Variants in TLR1 observed in about 807,000 individuals in gnomAD.
The protein encoded by TLR1 is toll-like receptor 1.
TLR1 carries 19 observed loss-of-function variants against 20.2 expected under a neutral mutation model. That is an observed-to-expected ratio of 0.94 (90% CI 0.66 to 1.38). The LOEUF is 1.38. Ranked by LOEUF, TLR1 falls within the 40% of genes most tolerant of loss-of-function variation. TLR1 has a pLI of 0.00. For missense variants in TLR1, 921 were observed against 910.0 expected (o/e 1.01, Z -0.16); for synonymous variants, 320 against 334.5 (o/e 0.96, Z 0.47).
chr4:38,793,140 C>T (rs976376415), downstream of TLR1, among the ~76,000 whole-genome samples: 1 of 152,004 alleles, frequency 6.6e-6, no homozygotes, highest in African/African-American at 2.4e-5. Flanking sequence ...TTATGAGTTT[C>T]ATTTACCCTC....
downstream of TLR1, among the ~76,000 whole-genome samples, chr4:38,795,036 C>G (rs77884918): frequency 0.033 from 4,960 of 152,266 alleles, 303 homozygotes; most frequent in African/African-American, 0.11. Context: ...CAATGCAAAA[C>G]CAAGTTACTG....
intron 3 of TLR1, 29 bp downstream of exon 3, chr4:38,800,828 C>T (rs1175443876): frequency 1.3e-5 from 2 of 152,658 alleles, no homozygotes; most frequent in Non-Finnish European, 2.9e-5. Context: ...GCAAACTTAT[C>T]TGGGTTTTGG....
At chr4:38,803,130 C>T (rs538571541) in intron 2 of TLR1, among the ~76,000 whole-genome samples, 3 of 152,320 alleles carry the variant, frequency 2.0e-5, no homozygotes, top group South Asian at 2.1e-4. Flanking sequence ...CAGGACAAGG[C>T]GGACAGTCTG....
chr4:38,792,023 C>T (rs1167727022), downstream of TLR1, among the ~76,000 whole-genome samples: 1 of 152,158 alleles, frequency 6.6e-6, no homozygotes, highest in East Asian at 1.9e-4. Context: ...GTCAGTTACA[C>T]ACATTGTACC....
intron 1 of TLR1, 104 bp from the exon 2 acceptor site, chr4:38,804,486 A>G (rs984919630): frequency 6.6e-6 from 1 of 152,188 alleles, no homozygotes; most frequent in African/African-American, 2.4e-5. Context: ...GTGTGACCCA[A>G]ATATTCATTT....
chr4:38,795,912 A>G (rs1302408205), downstream of TLR1, among the ~76,000 whole-genome samples: 2 of 152,186 alleles, frequency 1.3e-5, no homozygotes, highest in East Asian at 3.8e-4. Context: ...TCTTTCTGAC[A>G]TTGGTTGAGG....
chr4:38,790,184 G>A (rs777523122), downstream of TLR1, among the ~76,000 whole-genome samples: 4 of 152,170 alleles, frequency 2.6e-5, no homozygotes, highest in Non-Finnish European at 4.4e-5. Flanking sequence ...CCTCTCTGCT[G>A]TATTAGATCT....
At chr4:38,799,130 C>T (rs1250119484) in intron 3 of TLR1, among the ~76,000 whole-genome samples, 1 of 152,146 alleles carries the variant, frequency 6.6e-6, no homozygotes, top group Admixed American at 6.5e-5. Flanking sequence ...AATGGTGGCT[C>T]ACCAAAAGAT....
At position 38,797,018 on chromosome 4, in the gene TLR1, T is replaced by A; in HGVS notation, c.1814A>T (p.Asp605Val). 1 of 1,614,164 alleles carries A rather than the reference T, an allele frequency of 6.2e-7. No homozygotes were observed. The highest frequency in any genetic ancestry group is 8.5e-7 in the Non-Finnish European group (1 of 1,180,034). Residue 605 changes from aspartate (D) to valine (V), a missense_variant, in exon 4 of 4, where the codon GAT (aspartate) becomes GTT (valine). Asp to Val is a radical substitution (Grantham distance 152). Transcript: ENST00000308979. ...VTVTSLCSYL[D>V]LPWYLRMVCQ... is the part of the protein sequence containing the mutation. ...CACCATCCTGAGATACCAGGGCAGA[T>A]CCAAGTAGCTGCAGAGGGAGGTCAC...
In TLR1 at chr4:38,798,387, TG is replaced by T; in HGVS notation, c.444del (p.Thr149HisfsTer3). On this transcript the variant is annotated frameshift_variant, in exon 4 of 4. Coordinates refer to ENST00000308979, the MANE Select transcript of TLR1 (RefSeq NM_003263.4). LOFTEE classifies it low-confidence loss of function (END_TRUNC). ...AGCACACTAGATTTTTCTAAGTGTGTGGTGCTCAACCCCAGAAATTTTAGTT... is the reference window on the plus strand; with the variant it reads ...AGCACACTAGATTTTTCTAAGTGTGTGTGCTCAACCCCAGAAATTTTAGTT... ...MSQLKFLGLS[T>X]THLEKSSVLP... 6.2e-7 allele frequency: 1 copy of T among 1,613,864 alleles called. No homozygotes were observed. The highest frequency in any genetic ancestry group is 8.5e-7 in the Non-Finnish European group (1 of 1,179,878).
Position 38,796,937 on chromosome 4 carries a change from T to C in TLR1, c.1895A>G (p.Gln632Arg). Reference sequence around the variant, plus strand: ...AAATGCATGAAACTGGAGATTTCTTTGGAGTTCTTCTAAGGGTATGTTCCT... The same window carrying C: ...AAATGCATGAAACTGGAGATTTCTTCGGAGTTCTTCTAAGGGTATGTTCCT... ...RARNIPLEEL[Q>R]RNLQFHAFIS... The change falls in exon 4 of 4, where the codon CAA (glutamine) becomes CGA (arginine). Residue 632 changes from glutamine to arginine, a missense_variant. Physicochemically the swap from Gln to Arg is conservative, Grantham distance 43. Coordinates refer to ENST00000308979, the MANE Select transcript of TLR1 (RefSeq NM_003263.4). 1.2e-6 allele frequency: 2 copies of C among 1,614,206 alleles called. No individual in the cohort carries two copies. Among genetic ancestry groups the C allele is most frequent in the Non-Finnish European group, 1.7e-6 (2 of 1,180,036 alleles).
upstream of TLR1, chr4:38,805,149 G>C (rs565835976): frequency 2.0e-5 from 3 of 152,294 alleles, no homozygotes; most frequent in Non-Finnish European, 4.4e-5. Flanking sequence ...GCGTCTGGGT[G>C]TGTTTCGGCT....
At chr4:38,792,184 G>T (rs545123130), downstream of TLR1, among the ~76,000 whole-genome samples, 1 of 152,278 alleles carries the variant, frequency 6.6e-6, no homozygotes, top group African/African-American at 2.4e-5. Context: ...ATTGAGCCAG[G>T]ATTTAATCCC....
At chr4:38,790,377 T>G (rs1281305952), downstream of TLR1, among the ~76,000 whole-genome samples, 1 of 152,272 alleles carries the variant, frequency 6.6e-6, no homozygotes, top group East Asian at 1.9e-4. Flanking sequence ...CAAATGATTT[T>G]TCTATACAAT....
chr4:38,798,481 C>G lies in TLR1; in HGVS notation c.351G>C (p.Lys117Asn). The change falls in exon 4 of 4, where the codon AAG becomes AAC. Residue 117 changes from lysine to asparagine, a missense_variant. Transcript: ENST00000308979. ...KISCHPTVNL[K>N]HLDLSFNAFD... ...ATGCATTAAATGACAGGTCCAAGTGCTTGAGGTTCACAGTAGGGTGGCAAG... is the reference window on the plus strand; with the variant it reads ...ATGCATTAAATGACAGGTCCAAGTGGTTGAGGTTCACAGTAGGGTGGCAAG... 1.2e-6 allele frequency: 2 copies of G among 1,614,116 alleles called. No individual in the cohort carries two copies. The highest frequency in any genetic ancestry group is 1.7e-6 in the Non-Finnish European group (2 of 1,180,022).
At chr4:38,788,122 A>C (rs1437905133), downstream of TLR1, among the ~76,000 whole-genome samples, 1 of 149,620 alleles carries the variant, frequency 6.7e-6, no homozygotes, top group Non-Finnish European at 1.5e-5. Flanking sequence ...TAAATATGAA[A>C]GAAAAATTAA....
chr4:38,794,555 TC>T (rs1177275084), downstream of TLR1: 2 of 152,030 alleles, frequency 1.3e-5, no homozygotes, highest in African/African-American at 2.4e-5. Flanking sequence ...TCTTTATCTT[TC>T]TGTTTAGAAT....
intron 2 of TLR1, among the ~76,000 whole-genome samples, chr4:38,802,909 T>A (rs1290395473): frequency 1.3e-5 from 2 of 152,176 alleles, no homozygotes; most frequent in East Asian, 3.8e-4. Context: ...AATGGTATAA[T>A]TGCCCTGCTG....
Position 38,798,602 on chromosome 4 carries a change from G to A in TLR1, c.230C>T (p.Ser77Phe). Reference sequence around the variant, plus strand: ...ATCAAGATACTGGATTCTATTATGAGAAATTATCAAAATCCTCAGTTTTGA... The same window carrying A: ...ATCAAGATACTGGATTCTATTATGAAAAATTATCAAAATCCTCAGTTTTGA... ...SLSKLRILII[S>F]HNRIQYLDIS... Residue 77 changes from serine to phenylalanine, a missense_variant, in exon 4 of 4, where the codon TCT becomes TTT. Transcript: ENST00000308979. 2 of 1,613,846 alleles carry A rather than the reference G, an allele frequency of 1.2e-6. No homozygotes were observed. The highest frequency in any genetic ancestry group is 4.5e-5 in the East Asian group (2 of 44,880).
Sources: allele counts gnomAD v4.1 joint callset (sites outside exome capture counted in the v4.1 genomes callset), GRCh38; gene constraint gnomAD v4.1.1; transcripts MANE v1.5; gene names NCBI Gene and HGNC (gene_info 2026-07-23, HGNC 2026-07-21).